The following TNKS2 variants were observed in gnomAD, a reference collection of about 807,000 sequenced individuals.
TNKS2 encodes poly [ADP-ribose] polymerase tankyrase-2.
Under a neutral mutation model 137.6 loss-of-function variants are expected in TNKS2, and 72 were observed. The ratio of observed to expected loss-of-function variants is 0.52; its 90% CI spans 0.43 to 0.64. The LOEUF (loss-of-function observed/expected upper bound fraction) is 0.64. TNKS2 is among the 30% of genes least tolerant of loss of function. The pLI is 0.00. For missense variants in TNKS2, 1,049 were observed against 1,410.2 expected (o/e 0.74, Z 4.10); for synonymous variants, 516 against 512.1 (o/e 1.01, Z -0.10).
chr10:91,850,452 C>T (rs1205778380), intron 20 of TNKS2, among the ~76,000 whole-genome samples: 1 of 150,946 alleles, frequency 6.6e-6, no homozygotes, highest in Admixed American at 6.6e-5. Context: ...GGCACGGTGG[C>T]TCATGCCTGT....
At chr10:91,813,431 C>T (rs1386655787) in intron 2 of TNKS2, among the ~76,000 whole-genome samples, 2 of 152,272 alleles carry the variant, frequency 1.3e-5, no homozygotes, top group East Asian at 3.9e-4. Flanking sequence ...TACTTGCATT[C>T]TCTTGGGAGA....
At chr10:91,805,019 C>G (rs1342775170) in intron 1 of TNKS2, among the ~76,000 whole-genome samples, 1 of 152,180 alleles carries the variant, frequency 6.6e-6, no homozygotes, top group African/African-American at 2.4e-5. Context: ...CCACCTCTGT[C>G]TCCCAAAGTG....
At chr10:91,815,506 C>G (rs1844660888) in intron 2 of TNKS2, among the ~76,000 whole-genome samples, 1 of 151,644 alleles carries the variant, frequency 6.6e-6, no homozygotes, top group South Asian at 2.1e-4. Context: ...CTGCACTATC[C>G]AATATGGTAG....
chr10:91,800,364 T>G (rs914264085), intron 1 of TNKS2, among the ~76,000 whole-genome samples: 1 of 152,234 alleles, frequency 6.6e-6, no homozygotes, highest in Non-Finnish European at 1.5e-5. Flanking sequence ...TAGGGTTACT[T>G]AGATTCTGTT....
At chr10:91,801,242 G>A (rs556672936) in intron 1 of TNKS2, among the ~76,000 whole-genome samples, 16 of 152,176 alleles carry the variant, frequency 1.1e-4, no homozygotes, top group Admixed American at 9.2e-4. Flanking sequence ...AGAATAATCC[G>A]TTGCTAGCAC....
At chr10:91,807,787 G>A (rs1436613019) in intron 1 of TNKS2, among the ~76,000 whole-genome samples, 1 of 152,124 alleles carries the variant, frequency 6.6e-6, no homozygotes, top group African/African-American at 2.4e-5. Flanking sequence ...GAGGTCAGGA[G>A]ATCGAGACCA....
At chr10:91,812,882 TATTA>T in intron 1 of TNKS2, 97 bp from the exon 2 acceptor site, 1 of 1,488,638 alleles carries the variant, frequency 6.7e-7, no homozygotes, top group Non-Finnish European at 9.0e-7. Context: ...TTGAGTCTGT[TATTA>T]ATTTTCAACC....
chr10:91,851,471 T>C, intron 21 of TNKS2, 135 bp downstream of exon 21: 1 of 1,048,862 alleles, frequency 9.5e-7, no homozygotes. Context: ...TTCAGGAAAC[T>C]GGGATTAAGT....
At chr10:91,858,925 C>T (rs1369994620) in intron 24 of TNKS2, among the ~76,000 whole-genome samples, 2 of 152,086 alleles carry the variant, frequency 1.3e-5, no homozygotes, top group Non-Finnish European at 2.9e-5. Flanking sequence ...AGGAGAATTG[C>T]TTGAACCCGG....
intron 1 of TNKS2, among the ~76,000 whole-genome samples, chr10:91,808,656 T>C (rs1314275116): frequency 1.3e-5 from 2 of 152,190 alleles, no homozygotes; most frequent in East Asian, 3.9e-4. Context: ...TTGAGATACC[T>C]TTAAAATATC....
rs1842898821 is a variant in TNKS2, at chr10:91,863,247, C to A, written c.*248C>A. On this transcript the variant is annotated 3_prime_UTR_variant, in exon 27 of 27. Transcript: ENST00000371627. ...TCCAGGTTAAACTGGGTTGTCTGTACTAAATTATAAACAGAGTTAACTTGA... is the reference window on the plus strand; with the variant it reads ...TCCAGGTTAAACTGGGTTGTCTGTAATAAATTATAAACAGAGTTAACTTGA... 4 of 382,164 alleles carry A rather than the reference C, an allele frequency of 1.0e-5. No individual in the cohort carries two copies. The South Asian group carries it at 1.7e-4, about 17-fold the overall frequency. The allele number at this position is 382,164 out of a possible 1,614,324, so 23.7% of individuals were successfully genotyped here. A position where few individuals can be genotyped will look rare whatever the true frequency, so the allele number is the denominator to read the frequency against.
At chr10:91,827,848 C>G (rs975155307) in intron 8 of TNKS2, among the ~76,000 whole-genome samples, 5 of 152,144 alleles carry the variant, frequency 3.3e-5, no homozygotes, top group African/African-American at 9.7e-5. Context: ...TCCAACTTGT[C>G]TAGTTCCCAG....
intron 12 of TNKS2, 66 bp from the exon 13 acceptor site, chr10:91,836,853 C>G (rs945370026): frequency 6.5e-7 from 1 of 1,548,636 alleles, no homozygotes; most frequent in African/African-American, 1.4e-5. Flanking sequence ...GAGATGCCTT[C>G]CATAAAGCTT....
intron 24 of TNKS2, among the ~76,000 whole-genome samples, chr10:91,857,995 T>C (rs1842755262): frequency 6.6e-6 from 1 of 152,242 alleles, no homozygotes; most frequent in African/African-American, 2.4e-5. Context: ...ATTGAAACCA[T>C]AGAATTGAAT....
At position 91,831,144 on chromosome 10, in the gene TNKS2, A is replaced by T. The variant is rs1379310535; in HGVS notation, c.1238A>T (p.Asn413Ile). 6.2e-7 allele frequency: 1 copy of T among 1,613,908 alleles called. No individual in the cohort carries two copies. The change falls in exon 11 of 27, where the codon AAT becomes ATT. Residue 413 changes from asparagine to isoleucine, a missense_variant. By Grantham distance (149) the Asn-to-Ile change is moderately radical. Transcript: ENST00000371627. ...CACGTGGCATCTGAGAAAGCTCATA[A>T]TGATGTTGTTGAAGTAGTGGTGAAA... ...PLHVASEKAH[N>I]DVVEVVVKHE...
intron 3 of TNKS2, 126 bp downstream of exon 3, chr10:91,817,355 C>T (rs1844737942): frequency 3.7e-6 from 2 of 536,382 alleles, no homozygotes; most frequent in Admixed American, 3.5e-5. Context: ...CAGTAGCTAT[C>T]CTTTTCTACG....
At chr10:91,809,799 ATCTT>A (rs1000590664) in intron 1 of TNKS2, among the ~76,000 whole-genome samples, 18 of 152,068 alleles carry the variant, frequency 1.2e-4, no homozygotes, top group South Asian at 2.1e-4. Flanking sequence ...TGCCAAGGTG[ATCTT>A]TCTTTAAAGA....
At chr10:91,830,321 G>T (rs1425146442) in intron 9 of TNKS2, among the ~76,000 whole-genome samples, 2 of 152,128 alleles carry the variant, frequency 1.3e-5, no homozygotes, top group Admixed American at 1.3e-4. Context: ...AGGTTCAAGT[G>T]ATTCTCCTGT....
chr10:91,807,228 C>T (rs1844350947), intron 1 of TNKS2: 37 of 1,606,184 alleles, frequency 2.3e-5, no homozygotes, highest in Non-Finnish European at 2.9e-5. Context: ...TACCATAAGT[C>T]GCATTAGTTG....
Sources: gnomAD v4.1 joint callset for allele counts (sites outside exome capture counted in the v4.1 genomes callset) on GRCh38, gnomAD v4.1.1 for gene constraint, MANE v1.5 for transcripts, NCBI Gene and HGNC (gene_info 2026-07-23, HGNC 2026-07-21) for gene names.